SYTL3: variants seen among roughly 807,000 people sequenced by gnomAD.
SYTL3 encodes synaptotagmin-like protein 3.
Under a neutral mutation model 82.1 loss-of-function variants are expected in SYTL3, and 88 were observed. The ratio of observed to expected loss-of-function variants is 1.07; its 90% confidence interval spans 0.90 to 1.28. The LOEUF is 1.28. Ranked by LOEUF, SYTL3 falls within the 50% of genes most tolerant of loss-of-function variation. The probability of loss-of-function intolerance (pLI) is 0.00; values close to 1 mark genes in which losing one functional copy is unlikely to be tolerated. For synonymous variants in SYTL3, 311 were observed against 289.4 expected (o/e 1.07, Z -0.76); for missense variants, 831 against 757.6 (o/e 1.10, Z -1.14).
At chr6:158,708,737 C>A (rs1464366016) in intron 8 of SYTL3, among the ~76,000 whole-genome samples, 1 of 152,050 alleles carries the variant, frequency 6.6e-6, no homozygotes, top group African/African-American at 2.4e-5. Flanking sequence ...GATTGGTTAA[C>A]GTGTGTGTGA....
At position 158,753,725 on chromosome 6, in the gene SYTL3, G is replaced by A. The variant is rs1372244427; in HGVS notation, c.1137+1695G>A. 6.5e-5 allele frequency among the ~76,000 whole-genome samples: 6 copies of A among 91,766 alleles called. No homozygotes were observed. In the South Asian group the frequency reaches 1.3e-3, roughly 20 times the overall value. 60.2% of individuals were successfully genotyped at this position (91,766 alleles called of 152,430 possible). A position where few individuals can be genotyped will look rare whatever the true frequency, so the allele number is the denominator to read the frequency against. On this transcript the variant is annotated intron_variant, in intron 13 of 17. Transcript: ENST00000611299. ...AGCCTGGGTGACAGAGCGAGACTCCGTCTCAAAAAAAAAAAAAAAAATGTA... is the reference window on the plus strand; with the variant it reads ...AGCCTGGGTGACAGAGCGAGACTCCATCTCAAAAAAAAAAAAAAAAATGTA...
Position 158,764,517 on chromosome 6 carries a change from G to A in SYTL3, c.1746G>A (p.Gly582=). The change falls in exon 18 of 18, where the codon GGG becomes GGA. Residue 582 remains glycine, a synonymous_variant. Transcript: ENST00000611299. ...CAGAGGGAGACACAGCTGTTGGCGG[G>A]GATGCATGCTCACTATCGAAGCTCC... ...LGSKGDTAVG[G]DACSLSKLQW... 1 of 1,613,898 alleles carries A rather than the reference G, an allele frequency of 6.2e-7. No homozygotes were observed. Among genetic ancestry groups the A allele is most frequent in the Non-Finnish European group, 8.5e-7 (1 of 1,179,958 alleles).
chr6:158,653,705 C>A (rs921856859), intron 2 of SYTL3, among the ~76,000 whole-genome samples: 1 of 152,156 alleles, frequency 6.6e-6, no homozygotes, highest in African/African-American at 2.4e-5. Context: ...CTTGAAATGA[C>A]CTGCAGGGCT....
chr6:158,742,368 TTATC>T (rs1202295465), intron 11 of SYTL3, among the ~76,000 whole-genome samples: 1 of 151,804 alleles, frequency 6.6e-6, no homozygotes, highest in Non-Finnish European at 1.5e-5. Context: ...CAAAGAATCT[TTATC>T]TAGTCTGAGG....
chr6:158,724,501 C>T (rs1156305312), intron 10 of SYTL3, among the ~76,000 whole-genome samples: 1 of 152,198 alleles, frequency 6.6e-6, no homozygotes, highest in Non-Finnish European at 1.5e-5. Context: ...AAGAGGTTTT[C>T]CCACCTTGCC....
At chr6:158,657,459 A>G (rs1452536017) in intron 2 of SYTL3, among the ~76,000 whole-genome samples, 1 of 151,662 alleles carries the variant, frequency 6.6e-6, no homozygotes, top group African/African-American at 2.4e-5. Context: ...GAGAAAAAGA[A>G]AAAAGAAAAA....
rs55657606 is a variant in SYTL3, at chr6:158,727,689, C to CTTTTTTTTTTTTTTTTTTTTTT, written c.855+2064_855+2065insTTTTTTTTTTTTTTTTTTTTTT. 2.8e-5 allele frequency among the ~76,000 whole-genome samples: 3 copies of CTTTTTTTTTTTTTTTTTTTTTT among 106,728 alleles called. 1 individual carries two copies. Among genetic ancestry groups the CTTTTTTTTTTTTTTTTTTTTTT allele is most frequent in the African/African-American group, 8.7e-5 (2 of 23,056 alleles). 70.0% of individuals were successfully genotyped at this position (106,728 alleles called of 152,430 possible). On this transcript the variant is annotated intron_variant, in intron 11 of 17. Transcript: ENST00000611299. ...CATGTGCGTGTCTCATCCAAGTACT[C>CTTTTTTTTTTTTTTTTTTTTTT]TTTTTTTTTTTTGAGATGAAGTCTC...
At chr6:158,684,522 G>A (rs1341949574) in intron 6 of SYTL3, among the ~76,000 whole-genome samples, 2 of 152,164 alleles carry the variant, frequency 1.3e-5, no homozygotes, top group Non-Finnish European at 2.9e-5. Flanking sequence ...GGTGCTGTGG[G>A]AACCACATCT....
chr6:158,741,874 A>G (rs1217629113), intron 11 of SYTL3, among the ~76,000 whole-genome samples: 1 of 152,192 alleles, frequency 6.6e-6, no homozygotes, highest in Non-Finnish European at 1.5e-5. Context: ...TGAGTTATTC[A>G]GCAACTTCTC....
rs1056103079 is a variant in SYTL3, at chr6:158,663,035, C to T, written c.-234C>T. The stretch of plus-strand genomic sequence containing the variant: ...ACCCCCCGGGTAGCACGAGGCTCTG[C>T]GAGCCGTAACTCCGACAAACGCAGA... On this transcript the variant is annotated 5_prime_UTR_variant, in exon 4 of 18. Coordinates refer to ENST00000611299, the MANE Select transcript of SYTL3 (RefSeq NM_001242394.2). 2.0e-4 allele frequency: 85 copies of T among 418,150 alleles called. No individual in the cohort carries two copies. The highest frequency in any genetic ancestry group is 3.6e-4 in the Admixed American group (9 of 24,824). 25.9% of individuals were successfully genotyped at this position (418,150 alleles called of 1,614,324 possible).
At chr6:158,692,066 G>A (rs1443633229) in intron 6 of SYTL3, among the ~76,000 whole-genome samples, 2 of 146,108 alleles carry the variant, frequency 1.4e-5, no homozygotes, top group Non-Finnish European at 3.0e-5. Context: ...GACCATCCTG[G>A]CTAACACGGT....
At chr6:158,646,215 G>A (rs1385552851), upstream of SYTL3, among the ~76,000 whole-genome samples, 1 of 152,162 alleles carries the variant, frequency 6.6e-6, no homozygotes, top group African/African-American at 2.4e-5. Context: ...GCTAAGATGT[G>A]TTGAAGTTTA....
chr6:158,698,109 G>T (rs1164756094), intron 6 of SYTL3, among the ~76,000 whole-genome samples: 1 of 152,056 alleles, frequency 6.6e-6, no homozygotes, highest in Non-Finnish European at 1.5e-5. Context: ...GCTTAAAATG[G>T]CTCTGGGCTG....
chr6:158,695,445 GAAT>G (rs1391217145), intron 6 of SYTL3, among the ~76,000 whole-genome samples: 2 of 152,094 alleles, frequency 1.3e-5, no homozygotes, highest in Admixed American at 6.6e-5. Context: ...CTCTTCATAT[GAAT>G]AATTTTTTAA....
At chr6:158,754,240 C>T (rs771499269) in intron 13 of SYTL3, among the ~76,000 whole-genome samples, 56 of 152,160 alleles carry the variant, frequency 3.7e-4, no homozygotes, top group Admixed American at 2.0e-3. Context: ...TTTCTGGACC[C>T]AGGGAGACTT....
chr6:158,674,376 G>A (rs1254171421), intron 5 of SYTL3, among the ~76,000 whole-genome samples: 1 of 152,088 alleles, frequency 6.6e-6, no homozygotes, highest in Non-Finnish European at 1.5e-5. Flanking sequence ...CTCAGAGGTG[G>A]GTCTTAAATG....
chr6:158,651,237 T>G (rs1787973232), intron 1 of SYTL3, among the ~76,000 whole-genome samples: 1 of 152,190 alleles, frequency 6.6e-6, no homozygotes, highest in South Asian at 2.1e-4. Context: ...AAATAAATAG[T>G]AGCTGTTGGC....
At chr6:158,663,620 T>C (rs1467507744) in intron 4 of SYTL3, 3 of 985,100 alleles carry the variant, frequency 3.0e-6, no homozygotes, top group African/African-American at 1.7e-5. Flanking sequence ...ACGGTGCCTT[T>C]GGGCGGTAAG....
At chr6:158,759,500 C>T (rs1170948965) in intron 14 of SYTL3, among the ~76,000 whole-genome samples, 1 of 152,142 alleles carries the variant, frequency 6.6e-6, no homozygotes, top group Non-Finnish European at 1.5e-5. Context: ...CCAAACTTGT[C>T]CAACCTGCAG....
Sources: gnomAD v4.1 joint callset for allele counts (sites outside exome capture counted in the v4.1 genomes callset) on GRCh38, gnomAD v4.1.1 for gene constraint, MANE v1.5 for transcripts, NCBI Gene and HGNC (gene_info 2026-07-23, HGNC 2026-07-21) for gene names.